AKR1A1: variants seen among roughly 807,000 people sequenced by gnomAD.
AKR1A1 encodes aldo-keto reductase family 1 member A1.
A neutral mutation model predicts 39.2 loss-of-function variants in AKR1A1; 26 were observed. The ratio of observed to expected loss-of-function variants is 0.66; its 90% CI spans 0.49 to 0.92. The LOEUF is 0.92. AKR1A1 is among the 40% of genes least tolerant of loss of function. AKR1A1 has a pLI of 0.00. For synonymous variants in AKR1A1, 141 were observed against 155.5 expected (o/e 0.91, Z 0.69); for missense variants, 378 against 406.5 (o/e 0.93, Z 0.60).
intron 8 of AKR1A1, among the ~76,000 whole-genome samples, chr1:45,569,474 A>T (rs1644387684): frequency 6.6e-6 from 1 of 152,186 alleles, no homozygotes; most frequent in South Asian, 2.1e-4. Flanking sequence ...AGAGCAAGTT[A>T]TTAAACTTCT....
chr1:45,556,645 G>A lies in AKR1A1; in HGVS notation c.-6-5144G>A, dbSNP rs191952281. Among the ~76,000 whole-genome samples, 411 of 152,188 alleles carry A rather than the reference G, an allele frequency of 2.7e-3. 1 individual carries two copies. Among genetic ancestry groups the A allele is most frequent in the Middle Eastern group, 6.8e-3 (2 of 294 alleles). On this transcript the variant is annotated intron_variant, in intron 1 of 8. Transcript: ENST00000351829. ...TGTAATCCCAGCACTTTGGGAGGCC[G>A]AGGTGGGTGGATCACAAGGTCAGGA...
intron 1 of AKR1A1, among the ~76,000 whole-genome samples, 187 bp downstream of exon 1, chr1:45,551,342 A>G (rs1285350807): frequency 6.6e-6 from 1 of 152,178 alleles, no homozygotes; most frequent in East Asian, 1.9e-4. Flanking sequence ...GTTTCTCTGA[A>G]CCTGTTTCCT....
At position 45,566,652 on chromosome 1, in the gene AKR1A1, T is replaced by A; in HGVS notation, c.168T>A (p.Ile56=). ...CTATCTACGGCAATGAGCCTGAGAT[T>A]GGGGAGGCCCTGAAGGAGGACGTGG... The part of the protein sequence containing the change: ...CAAIYGNEPE[I]GEALKEDVGP... The change falls in exon 3 of 9, where the codon ATT becomes ATA. Residue 56 remains isoleucine, a synonymous_variant. Transcript: ENST00000351829. The A allele has an allele frequency of 6.2e-7, 1 of 1,614,226 alleles. No individual in the cohort carries two copies.
chr1:45,553,143 G>C (rs576930993), intron 1 of AKR1A1, among the ~76,000 whole-genome samples: 7 of 151,876 alleles, frequency 4.6e-5, no homozygotes, highest in Non-Finnish European at 1.0e-4. Flanking sequence ...ATTTAAAAAG[G>C]CTGGGCACAG....
chr1:45,558,386 G>T (rs569629069), intron 1 of AKR1A1, among the ~76,000 whole-genome samples: 45 of 146,902 alleles, frequency 3.1e-4, no homozygotes, highest in Non-Finnish European at 5.2e-4. Flanking sequence ...GTGCCACCAC[G>T]CCCAGCTAAT....
intron 8 of AKR1A1, 94 bp downstream of exon 8, chr1:45,569,323 G>T: frequency 9.7e-7 from 1 of 1,029,852 alleles, no homozygotes. Context: ...GTTGTGAGAA[G>T]GACACAATGT....
chr1:45,568,660 G>A lies in AKR1A1; in HGVS notation c.728G>A (p.Arg243Gln), dbSNP rs752629197. 1.3e-5 allele frequency: 21 copies of A among 1,613,520 alleles called. No homozygotes were observed. Among genetic ancestry groups the A allele is most frequent in the African/African-American group, 6.7e-5 (5 of 74,894 alleles). ...CTGGCATTGGCTGAAAAGTATGGCC[G>A]ATCTCCAGCTCAGATCTTGCTCAGG... ...VVLALAEKYG[R>Q]SPAQILLRWQ... The change falls in exon 6 of 9, where the codon CGA (arginine) becomes CAA (glutamine). Residue 243 changes from arginine to glutamine, a missense_variant. Coordinates refer to ENST00000351829, the MANE Select transcript of AKR1A1 (RefSeq NM_153326.3).
chr1:45,567,072 T>C (rs1644354087), intron 4 of AKR1A1, 52 bp downstream of exon 4: 1 of 1,589,386 alleles, frequency 6.3e-7, no homozygotes, highest in South Asian at 1.1e-5. Flanking sequence ...AGCAGGATGG[T>C]GTTAGTAACT....
At position 45,569,888 on chromosome 1, in the gene AKR1A1, C is replaced by T. The variant is rs940575844; in HGVS notation, c.913-3C>T. 2 of 1,613,584 alleles carry T rather than the reference C, an allele frequency of 1.2e-6. No individual in the cohort carries two copies. Among genetic ancestry groups the T allele is most frequent in the African/African-American group, 2.7e-5 (2 of 74,898 alleles). On this transcript the variant is annotated splice_polypyrimidine_tract_variant and splice_region_variant and intron_variant, in intron 8 of 8. Transcript: ENST00000351829. ...GGAGTAATCTATCTGTCTCTCTTTCCAGGTGGATGGGAAGAGAGTCCCAAG... is the reference window on the plus strand; with the variant it reads ...GGAGTAATCTATCTGTCTCTCTTTCTAGGTGGATGGGAAGAGAGTCCCAAG...
chr1:45,567,114 G>C (rs1644354416), intron 4 of AKR1A1, 94 bp downstream of exon 4: 5 of 1,501,420 alleles, frequency 3.3e-6, no homozygotes, highest in Non-Finnish European at 4.5e-6. Flanking sequence ...AGCAGGATAG[G>C]AACACTCATT....
In AKR1A1 at chr1:45,568,467, G is replaced by A. The variant is rs1644374028; in HGVS notation, c.553-18G>A. On this transcript the variant is annotated intron_variant, in intron 5 of 8. Coordinates refer to ENST00000351829, the MANE Select transcript of AKR1A1 (RefSeq NM_153326.3). ...TGGGTGTCACCACTTCATGGTGATG[G>A]GTTATTCTTTGGCTCAGGTGGAATG... is the stretch of plus-strand genomic sequence containing the variant. 1 of 1,613,216 alleles carries A rather than the reference G, an allele frequency of 6.2e-7. No homozygotes were observed. The highest frequency in any genetic ancestry group is 1.1e-5 in the South Asian group (1 of 91,002).
intron 2 of AKR1A1, 46 bp downstream of exon 2, chr1:45,561,924 G>A (rs1457959144): frequency 6.3e-7 from 1 of 1,591,928 alleles, no homozygotes; most frequent in Non-Finnish European, 8.6e-7. Context: ...GCCTCTGCCT[G>A]CATTTTCCTA....
intron 5 of AKR1A1, 79 bp downstream of exon 5, chr1:45,568,256 G>C: frequency 6.8e-7 from 1 of 1,468,314 alleles, no homozygotes; most frequent in Non-Finnish European, 9.2e-7. Flanking sequence ...ATCTGCTTAA[G>C]GGAGATAGCT....
intron 8 of AKR1A1, 37 bp from the exon 9 acceptor site, chr1:45,569,854 C>G: frequency 6.3e-7 from 1 of 1,595,602 alleles, no homozygotes; most frequent in Non-Finnish European, 8.6e-7. Context: ...AATGGCAACT[C>G]CTGCTGATGG....
chr1:45,554,402 T>C (rs680267), intron 1 of AKR1A1, among the ~76,000 whole-genome samples: 2,394 of 152,238 alleles, frequency 0.016, 57 homozygotes, highest in African/African-American at 0.051. Context: ...CCCTCCAGCC[T>C]GGACGTTAGA....
At chr1:45,559,991 CT>C (rs1240120186) in intron 1 of AKR1A1, among the ~76,000 whole-genome samples, 165 of 130,500 alleles carry the variant, frequency 1.3e-3, no homozygotes, top group African/African-American at 1.3e-3. Context: ...AATAACTTCA[CT>C]TTTTTTTTTT....
Position 45,561,821 on chromosome 1 carries a change from C to G in AKR1A1, c.27C>G (p.His9Gln). 1.9e-6 allele frequency: 3 copies of G among 1,614,168 alleles called. No homozygotes were observed. Among genetic ancestry groups the G allele is most frequent in the Non-Finnish European group, 2.5e-6 (3 of 1,180,016 alleles). Residue 9 changes from histidine to glutamine, a missense_variant, in exon 2 of 9, where the codon CAC becomes CAG. His to Gln is a conservative substitution (Grantham distance 24, BLOSUM62 0). Transcript: ENST00000351829. MAASCVLLHTGQKMPLIGL... is the reference protein window; with the variant it reads MAASCVLLQTGQKMPLIGL... ...TGGCGGCTTCCTGTGTTCTACTGCA[C>G]ACTGGGCAGAAGATGCCTCTGATTG...
In AKR1A1 at chr1:45,568,019, A is replaced by G. The variant is rs771994400; in HGVS notation, c.394A>G (p.Thr132Ala). ...DNPFPKNADG[T>A]ICYDSTHYKE... ...CCCCTTCCCCAAGAATGCTGATGGGACTATATGCTACGACTCCACCCACTA... is the reference window on the plus strand; with the variant it reads ...CCCCTTCCCCAAGAATGCTGATGGGGCTATATGCTACGACTCCACCCACTA... Residue 132 changes from threonine to alanine, a missense_variant, in exon 5 of 9, where the codon ACT becomes GCT. Transcript: ENST00000351829. The G allele has an allele frequency of 1.2e-6, 2 of 1,613,814 alleles. No homozygotes were observed. The highest frequency in any genetic ancestry group is 2.2e-5 in the East Asian group (1 of 44,852).
chr1:45,561,921 C>T (rs1432391238), intron 2 of AKR1A1, 43 bp downstream of exon 2: 1 of 1,590,696 alleles, frequency 6.3e-7, no homozygotes, highest in Non-Finnish European at 8.6e-7. Flanking sequence ...TGAGCCTCTG[C>T]CTGCATTTTC....
Sources: allele counts gnomAD v4.1 joint callset (sites outside exome capture counted in the v4.1 genomes callset), GRCh38; gene constraint gnomAD v4.1.1; transcripts MANE v1.5; gene names NCBI Gene and HGNC (gene_info 2026-07-23, HGNC 2026-07-21).